Variants in ADGRB2 observed in about 807,000 individuals in gnomAD.
ADGRB2 encodes adhesion G protein-coupled receptor B2.
ADGRB2 carries 47 observed loss-of-function variants against 178.7 expected under a neutral mutation model. The ratio of observed to expected loss-of-function variants is 0.26; its 90% CI spans 0.21 to 0.34. The LOEUF is 0.34. ADGRB2 is among the 10% of genes least tolerant of loss of function. The probability of loss-of-function intolerance (pLI) is 1.00; values close to 1 mark genes in which losing one functional copy is unlikely to be tolerated. For missense variants in ADGRB2, 1,584 were observed against 2,180.8 expected, an observed-to-expected ratio of 0.73 and a Z score of 5.45; for synonymous variants, 870 against 912.4, an observed-to-expected ratio of 0.95 and a Z score of 0.84.
chr1:31,748,360 C>T (rs1646383340), intron 4 of ADGRB2, among the ~76,000 whole-genome samples: 1 of 152,250 alleles, frequency 6.6e-6, no homozygotes, highest in African/African-American at 2.4e-5. Flanking sequence ...CCTGCCCCTC[C>T]ATTCCCACCC....
At chr1:31,743,332 A>C (rs1256886559) in intron 6 of ADGRB2, 4 of 265,860 alleles carry the variant, frequency 1.5e-5, no homozygotes, top group African/African-American at 8.8e-5. Flanking sequence ...CCCAGGACCC[A>C]CGCCATTCCA....
At position 31,753,410 on chromosome 1, in the gene ADGRB2, G is replaced by T. The variant is rs1410540518; in HGVS notation, c.838+2589C>A. Among the ~76,000 whole-genome samples, 1 of 152,184 alleles carries T rather than the reference G, an allele frequency of 6.6e-6. No homozygotes were observed. ...GGCTCTGAGGCGTCCCAGGCACTCC[G>T]CCAGTCACTGCCCACCAGCCCCCAG... On this transcript the variant is annotated intron_variant, in intron 4 of 32. Transcript: ENST00000373658. This position sits in a 1 kb window ranked among gnomAD's most constrained non-coding sequence, Gnocchi z 4.1.
chr1:31,750,908 C>T (rs998113467), intron 4 of ADGRB2, among the ~76,000 whole-genome samples: 3 of 152,134 alleles, frequency 2.0e-5, no homozygotes, highest in Non-Finnish European at 4.4e-5. Context: ...CCTCCCCAGG[C>T]TGCTGACCTA....
intron 1 of ADGRB2, among the ~76,000 whole-genome samples, chr1:31,762,535 G>C (rs1355433547): frequency 2.0e-5 from 3 of 152,172 alleles, no homozygotes; most frequent in African/African-American, 7.2e-5. Context: ...CCTGGAGCCC[G>C]CGGCCAATCC....
intron 28 of ADGRB2, 29 bp downstream of exon 28, chr1:31,732,086 C>A: frequency 6.2e-7 from 1 of 1,613,904 alleles, no homozygotes; most frequent in Non-Finnish European, 8.5e-7. Context: ...ACCCCAGGAC[C>A]ATTCTCAGTT....
At chr1:31,746,127 T>C (rs1353054422) in intron 4 of ADGRB2, among the ~76,000 whole-genome samples, 1 of 152,184 alleles carries the variant, frequency 6.6e-6, no homozygotes, top group Non-Finnish European at 1.5e-5. Flanking sequence ...TCTCTGACCC[T>C]GCTTTATCCT....
Position 31,741,774 on chromosome 1 carries a change from A to G in ADGRB2, c.1585+26T>C. The G allele has an allele frequency of 6.3e-7, 1 of 1,598,578 alleles. No individual in the cohort carries two copies. Among genetic ancestry groups the G allele is most frequent in the Non-Finnish European group, 8.6e-7 (1 of 1,169,284 alleles). Reference sequence around the variant, plus strand: ...AGCTGGGTCCACACATGGGGCCCCCAGCCCCCAGGGTCATTAGGGCAGTAC... The same window carrying G: ...AGCTGGGTCCACACATGGGGCCCCCGGCCCCCAGGGTCATTAGGGCAGTAC... On this transcript the variant is annotated intron_variant, in intron 9 of 32. Coordinates refer to ENST00000373658, the MANE Select transcript of ADGRB2 (RefSeq NM_001364857.2). This position sits in a 1 kb window ranked among gnomAD's most constrained non-coding sequence, Gnocchi z 6.5.
At position 31,740,635 on chromosome 1, in the gene ADGRB2, C is replaced by G. The variant is rs1309163067; in HGVS notation, c.1795-94G>C. 8.9e-6 allele frequency: 12 copies of G among 1,344,844 alleles called. No homozygotes were observed. In the African/African-American group the frequency reaches 1.6e-4, roughly 18 times the overall value. 83.3% of individuals were successfully genotyped at this position (1,344,844 alleles called of 1,614,324 possible). On this transcript the variant is annotated intron_variant, in intron 11 of 32. Coordinates refer to ENST00000373658, the MANE Select transcript of ADGRB2 (RefSeq NM_001364857.2). This position sits in a 1 kb window ranked among gnomAD's most constrained non-coding sequence, Gnocchi z 5.9. ...CTCCAGTCCACCCACTGCTTGCATC[C>G]ACGGGGAGAGAAAGGGGGAAAAGGT...
In ADGRB2 at chr1:31,741,700, C is replaced by T. The variant is rs760886674; in HGVS notation, c.1611G>A (p.Glu537=). The change falls in exon 10 of 33, where the codon GAG becomes GAA. Residue 537 remains glutamate, a synonymous_variant. Transcript: ENST00000373658. This position sits in a 1 kb window ranked among gnomAD's most constrained non-coding sequence, Gnocchi z 6.5. The part of the protein sequence containing the change: ...CPAFHEMCRD[E]YVMLMTWKKA... ...TCTTCCACGTCATCAGCATCACGTA[C>T]TCATCCCTGCACATCTCATGGAAGG... 9.9e-6 allele frequency: 16 copies of T among 1,613,976 alleles called. No individual in the cohort carries two copies. The highest frequency in any genetic ancestry group is 1.4e-5 in the Non-Finnish European group (16 of 1,179,984).
Position 31,756,059 on chromosome 1 carries a change from C to A in ADGRB2, c.778G>T (p.Ala260Ser). 1 of 1,614,064 alleles carries A rather than the reference C, an allele frequency of 6.2e-7. No individual in the cohort carries two copies. The highest frequency in any genetic ancestry group is 8.5e-7 in the Non-Finnish European group (1 of 1,179,990). Reference sequence around the variant, plus strand: ...CTCCCCGAGTGCAAATCGGCCTCAGCAGGTGGGGCTGGGCCCCCGGGCACC... The same window carrying A: ...CTCCCCGAGTGCAAATCGGCCTCAGAAGGTGGGGCTGGGCCCCCGGGCACC... ...ALVPGGPAPP[A>S]EADLHSGSSN... is the part of the protein sequence containing the mutation. Residue 260 changes from alanine (A) to serine (S), a missense_variant, in exon 4 of 33, where the codon GCT (alanine) becomes TCT (serine). Ala to Ser is a moderately conservative substitution (Grantham distance 99, BLOSUM62 1). Transcript: ENST00000373658. This position sits in a 1 kb window ranked among gnomAD's most constrained non-coding sequence, Gnocchi z 8.5.
At chr1:31,752,813 G>A (rs569922548) in intron 4 of ADGRB2, among the ~76,000 whole-genome samples, 2 of 152,246 alleles carry the variant, frequency 1.3e-5, no homozygotes, top group East Asian at 3.9e-4. Context: ...CCCAAGATGG[G>A]CAGCACCTTG....
chr1:31,747,977 A>G (rs528773015), intron 4 of ADGRB2, among the ~76,000 whole-genome samples: 1 of 152,318 alleles, frequency 6.6e-6, no homozygotes, highest in South Asian at 2.1e-4. Flanking sequence ...GAGTCCTCCC[A>G]TCCAGCTCCT....
Position 31,735,798 on chromosome 1 carries a change from C to A in ADGRB2, c.3267+29G>T. On this transcript the variant is annotated intron_variant, in intron 23 of 32. Coordinates refer to ENST00000373658, the MANE Select transcript of ADGRB2 (RefSeq NM_001364857.2). The surrounding 1 kb of genome is among the most constrained non-coding windows in gnomAD (Gnocchi z 6.0). The stretch of plus-strand genomic sequence containing the variant: ...ACAGGATGACCCTCTGGGGCCATGC[C>A]CCTTCCAAGATGCTGAACGGGCACA... 1 of 1,605,182 alleles carries A rather than the reference C, an allele frequency of 6.2e-7. No individual in the cohort carries two copies. Among genetic ancestry groups the A allele is most frequent in the Non-Finnish European group, 8.5e-7 (1 of 1,174,898 alleles).
Position 31,735,799 on chromosome 1 carries a change from C to G in ADGRB2, c.3267+28G>C, listed in dbSNP as rs1273406073. 1.2e-6 allele frequency: 2 copies of G among 1,605,380 alleles called. No individual in the cohort carries two copies. Among genetic ancestry groups the G allele is most frequent in the Non-Finnish European group, 1.7e-6 (2 of 1,175,098 alleles). ...CAGGATGACCCTCTGGGGCCATGCC[C>G]CTTCCAAGATGCTGAACGGGCACAT... On this transcript the variant is annotated intron_variant, in intron 23 of 32. Transcript: ENST00000373658. This position sits in a 1 kb window ranked among gnomAD's most constrained non-coding sequence, Gnocchi z 6.0.
Position 31,744,962 on chromosome 1 carries a change from T to C in ADGRB2, c.839-231A>G, listed in dbSNP as rs896868566. 1.3e-5 allele frequency among the ~76,000 whole-genome samples: 2 copies of C among 152,354 alleles called. No homozygotes were observed. Among genetic ancestry groups the C allele is most frequent in the African/African-American group, 4.8e-5 (2 of 41,584 alleles). On this transcript the variant is annotated intron_variant, in intron 4 of 32. Transcript: ENST00000373658. The surrounding 1 kb of genome is among the most constrained non-coding windows in gnomAD (Gnocchi z 6.7). Reference sequence around the variant, plus strand: ...AGGCCCTGACCTCACAGTCATCTTTTCCACCTCTTGCCTCAGCCAGATGTG... The same window carrying C: ...AGGCCCTGACCTCACAGTCATCTTTCCCACCTCTTGCCTCAGCCAGATGTG...
intron 4 of ADGRB2, among the ~76,000 whole-genome samples, chr1:31,752,605 C>A (rs1471619492): frequency 6.6e-6 from 1 of 152,140 alleles, no homozygotes; most frequent in Non-Finnish European, 1.5e-5. Flanking sequence ...TGCAGGAGTT[C>A]TGGATAACCA....
chr1:31,728,666 G>C lies in ADGRB2; in HGVS notation c.4381-33C>G, dbSNP rs763898942. ...GGAGCAACAAGGAGGCAATGGAGGAGAAGAAAGCTTTTTACCACCGGCAGG... is the reference window on the plus strand; with the variant it reads ...GGAGCAACAAGGAGGCAATGGAGGACAAGAAAGCTTTTTACCACCGGCAGG... On this transcript the variant is annotated intron_variant, in intron 29 of 32. Transcript: ENST00000373658. This position sits in a 1 kb window ranked among gnomAD's most constrained non-coding sequence, Gnocchi z 6.7. 6.2e-7 allele frequency: 1 copy of C among 1,613,380 alleles called. No individual in the cohort carries two copies. The highest frequency in any genetic ancestry group is 8.5e-7 in the Non-Finnish European group (1 of 1,179,484).
chr1:31,737,772 G>A lies in ADGRB2; in HGVS notation c.2773-17C>T. 1 of 1,611,148 alleles carries A rather than the reference G, an allele frequency of 6.2e-7. No homozygotes were observed. The highest frequency in any genetic ancestry group is 8.5e-7 in the Non-Finnish European group (1 of 1,178,292). On this transcript the variant is annotated splice_polypyrimidine_tract_variant and intron_variant, in intron 18 of 32. Transcript: ENST00000373658. ...CTCCAGGGTCTGGGGAAGATGGGCA[G>A]ACAGTCAGATGGGTTCCTGGGAGGG...
rs904096819 is a variant in ADGRB2 at position 31,754,165 on chromosome 1, T to C, written c.838+1834A>G. ...CTGCAGAGGCTCTGATGATGGTGCC[T>C]TTCCCATCACCGGCCCTCTCTGATC... On this transcript the variant is annotated intron_variant, in intron 4 of 32. Transcript: ENST00000373658. This position sits in a 1 kb window ranked among gnomAD's most constrained non-coding sequence, Gnocchi z 5.7. Among the ~76,000 whole-genome samples, 18 of 152,220 alleles carry C rather than the reference T, an allele frequency of 1.2e-4. No individual in the cohort carries two copies. Among genetic ancestry groups the C allele is most frequent in the Non-Finnish European group, 2.5e-4 (17 of 68,026 alleles).
Sources: allele counts gnomAD v4.1 joint callset (sites outside exome capture counted in the v4.1 genomes callset), GRCh38; gene constraint gnomAD v4.1.1; non-coding constraint Gnocchi (gnomAD v3.1); transcripts MANE v1.5; gene names NCBI Gene and HGNC (gene_info 2026-07-23, HGNC 2026-07-21).